The following RANBP3 variants were observed in gnomAD, a reference collection of about 807,000 sequenced individuals.
The protein encoded by RANBP3 is RAN binding protein 3.
RANBP3 carries 14 observed loss-of-function variants against 77.3 expected under a neutral mutation model. The observed-to-expected ratio is 0.18, with a 90% CI of 0.12 to 0.28. The LOEUF (loss-of-function observed/expected upper bound fraction) is 0.28. RANBP3 is among the 10% of genes least tolerant of loss of function. The pLI, the probability that RANBP3 is intolerant of heterozygous loss-of-function variation, is 1.00. For missense variants in RANBP3, 586 were observed against 752.3 expected (o/e 0.78, Z 2.59); for synonymous variants, 315 against 312.4 (o/e 1.01, Z -0.09).
intron 5 of RANBP3, 188 bp from the exon 6 acceptor site, chr19:5,933,667 G>C (rs985221631): frequency 1.1e-5 from 6 of 538,320 alleles, no homozygotes; most frequent in Non-Finnish European, 2.0e-5. Context: ...CTGGAGGAGG[G>C]GAGAGACAAG....
chr19:5,923,060 A>T, intron 13 of RANBP3, 134 bp downstream of exon 13: 1 of 682,608 alleles, frequency 1.5e-6, no homozygotes, highest in Non-Finnish European at 2.5e-6. Flanking sequence ...AAAGTCCCAG[A>T]GCGTGGGGCC....
At chr19:5,918,821 G>A (rs899913268) in intron 14 of RANBP3, among the ~76,000 whole-genome samples, 183 bp from the exon 15 acceptor site, 2 of 152,060 alleles carry the variant, frequency 1.3e-5, no homozygotes, top group Admixed American at 6.5e-5. Flanking sequence ...ACCTGCTCCC[G>A]GGGCGGGGCT....
intron 12 of RANBP3, 31 bp downstream of exon 12, chr19:5,923,781 A>G: frequency 6.5e-7 from 1 of 1,542,208 alleles, no homozygotes; most frequent in Non-Finnish European, 9.0e-7. Flanking sequence ...ACCTACCATG[A>G]GCCCCATGCT....
chr19:5,955,407 T>A (rs748865853), intron 2 of RANBP3, among the ~76,000 whole-genome samples: 1 of 152,188 alleles, frequency 6.6e-6, no homozygotes, highest in Non-Finnish European at 1.5e-5. Context: ...TCTGGCCTAC[T>A]TGCATTTTTA....
At position 5,930,894 on chromosome 19, in the gene RANBP3, C is replaced by T. The variant is rs201933173; in HGVS notation, c.693+510G>A. 3.3e-5 allele frequency among the ~76,000 whole-genome samples: 5 copies of T among 152,256 alleles called. No individual in the cohort carries two copies. The East Asian group carries it at 5.8e-4, about 18-fold the overall frequency. On this transcript the variant is annotated intron_variant, in intron 8 of 16. Transcript: ENST00000340578. ...TAAACAAACTATTTCTGAGATGACT[C>T]CCAAAGAAAAATTTTCAACTGGAAC... is the stretch of plus-strand genomic sequence containing the variant.
intron 15 of RANBP3, chr19:5,918,284 C>T (rs935301389): frequency 1.5e-5 from 10 of 651,556 alleles, no homozygotes; most frequent in Middle Eastern, 4.3e-4. Context: ...CAAACCCCAG[C>T]GGCTTCTCTG....
intron 4 of RANBP3, 42 bp from the exon 5 acceptor site, chr19:5,941,749 C>T (rs372238413): frequency 1.2e-6 from 2 of 1,612,478 alleles, no homozygotes; most frequent in Non-Finnish European, 1.7e-6. Context: ...AATCAGGTTG[C>T]TTCTGTCTTT....
intron 10 of RANBP3, 108 bp downstream of exon 10, chr19:5,925,526 A>G: frequency 1.1e-6 from 1 of 950,056 alleles, no homozygotes; most frequent in Non-Finnish European, 1.7e-6. Context: ...AGCAACCTGG[A>G]TTCTGGGCCT....
chr19:5,927,169 C>G (rs2057922393), intron 9 of RANBP3, among the ~76,000 whole-genome samples: 1 of 152,180 alleles, frequency 6.6e-6, no homozygotes, highest in African/African-American at 2.4e-5. Context: ...CATTCCATGT[C>G]TGTGGCTGGG....
intron 1 of RANBP3, among the ~76,000 whole-genome samples, chr19:5,965,280 T>C (rs1449091572): frequency 6.6e-6 from 1 of 152,084 alleles, no homozygotes; most frequent in Admixed American, 6.5e-5. Context: ...GTGGACAGCA[T>C]CTTTATCTAG....
chr19:5,953,767 C>T lies in RANBP3; in HGVS notation c.79-2171G>A, dbSNP rs949600511. Among the ~76,000 whole-genome samples the T allele has an allele frequency of 6.6e-5, 10 of 152,314 alleles. No individual in the cohort carries two copies. In the East Asian group the frequency reaches 1.5e-3, roughly 24 times the overall value. On this transcript the variant is annotated intron_variant, in intron 2 of 16. Transcript: ENST00000340578. ...AAACAATGGTGCATGTAAACGCAGG[C>T]GTTTCGATGAGACAGCACGCCCCTC...
intron 1 of RANBP3, among the ~76,000 whole-genome samples, chr19:5,968,456 G>T (rs2058493765): frequency 6.6e-6 from 1 of 152,232 alleles, no homozygotes; most frequent in African/African-American, 2.4e-5. Context: ...CCGTGTTTGG[G>T]GAAGTGGTTG....
At chr19:5,940,126 T>A (rs1448637527) in intron 5 of RANBP3, among the ~76,000 whole-genome samples, 1 of 152,160 alleles carries the variant, frequency 6.6e-6, no homozygotes, top group East Asian at 1.9e-4. Context: ...CCCTCACGCC[T>A]CCAGTTACCC....
chr19:5,963,727 T>G (rs1184244283), intron 1 of RANBP3, among the ~76,000 whole-genome samples: 1 of 152,164 alleles, frequency 6.6e-6, no homozygotes, highest in Non-Finnish European at 1.5e-5. Context: ...CCCTCTTCCT[T>G]GGACACAAGT....
intron 3 of RANBP3, among the ~76,000 whole-genome samples, chr19:5,942,619 T>C (rs1260248233): frequency 6.7e-6 from 1 of 150,186 alleles, no homozygotes; most frequent in Non-Finnish European, 1.5e-5. Context: ...AAGAATCGCT[T>C]GAGCCCGGTA....
At chr19:5,947,052 G>T (rs2058214029) in intron 3 of RANBP3, among the ~76,000 whole-genome samples, 1 of 152,200 alleles carries the variant, frequency 6.6e-6, no homozygotes, top group Non-Finnish European at 1.5e-5. Flanking sequence ...GGTGGCTCAT[G>T]CCTGTAATCC....
Position 5,958,971 on chromosome 19 carries a change from C to G in RANBP3, c.23-998G>C, listed in dbSNP as rs867185250. On this transcript the variant is annotated intron_variant, in intron 1 of 16. Coordinates refer to ENST00000340578, the MANE Select transcript of RANBP3 (RefSeq NM_007322.3). The surrounding 1 kb of genome is among the most constrained non-coding windows in gnomAD (Gnocchi z 4.4). ...GCCCTGCCTTCGCAGGCCCCCCGAC[C>G]CCGGTCGTGGGGAGCCAGGCATTAC... Among the ~76,000 whole-genome samples the G allele has an allele frequency of 2.0e-5, 3 of 152,352 alleles. No homozygotes were observed. The highest frequency in any genetic ancestry group is 7.2e-5 in the African/African-American group (3 of 41,596).
At chr19:5,954,982 C>T (rs2058318802) in intron 2 of RANBP3, among the ~76,000 whole-genome samples, 1 of 152,218 alleles carries the variant, frequency 6.6e-6, no homozygotes, top group Admixed American at 6.5e-5. Context: ...CCACATGCCT[C>T]TTCAGCGACG....
rs2057741246 is a variant in RANBP3, at chr19:5,916,604, T to A, written c.*1006A>T. 6.6e-6 allele frequency: 1 copy of A among 152,452 alleles called. No individual in the cohort carries two copies. The highest frequency in any genetic ancestry group is 2.4e-5 in the African/African-American group (1 of 41,450). 9.4% of individuals were successfully genotyped at this position (152,452 alleles called of 1,614,324 possible). ...CCTGGGCTCTTCCACCAAGATTTGG[T>A]GAGGGTCCCCCTCTGCCTCTCACAG... On this transcript the variant is annotated 3_prime_UTR_variant, in exon 17 of 17. Coordinates refer to ENST00000340578, the MANE Select transcript of RANBP3 (RefSeq NM_007322.3).
Sources: gnomAD v4.1 joint callset for allele counts (sites outside exome capture counted in the v4.1 genomes callset) on GRCh38, gnomAD v4.1.1 for gene constraint, Gnocchi (gnomAD v3.1) non-coding constraint, MANE v1.5 for transcripts, NCBI Gene and HGNC (gene_info 2026-07-23, HGNC 2026-07-21) for gene names.